Variants in PRKCQ observed in about 807,000 individuals in gnomAD.
PRKCQ encodes protein kinase C theta type.
Under a neutral mutation model 91.2 loss-of-function variants are expected in PRKCQ, and 41 were observed. The observed-to-expected ratio is 0.45, with a 90% CI of 0.35 to 0.58. The LOEUF is 0.58. PRKCQ is among the 20% of genes least tolerant of loss of function. The probability of loss-of-function intolerance (pLI) is 0.00; values close to 1 mark genes in which losing one functional copy is unlikely to be tolerated. For synonymous variants in PRKCQ, 307 were observed against 316.9 expected (o/e 0.97, Z 0.33); for missense variants, 673 against 896.5 (o/e 0.75, Z 3.18).
chr10:6,473,742 A>G (rs56204359), intron 12 of PRKCQ, among the ~76,000 whole-genome samples: 6,661 of 152,318 alleles, frequency 0.044, 203 homozygotes, highest in Non-Finnish European at 0.066. Flanking sequence ...AGAGCTTCAG[A>G]TGAAGCAGTT....
At chr10:6,404,028 T>A in the PRKCQ span, among the ~76,000 whole-genome samples, 1 of 151,840 alleles carries the variant, frequency 6.6e-6, no homozygotes, top group Admixed American at 6.6e-5. Flanking sequence ...TACGAAGGCC[T>A]AAAAAGGGGG....
chr10:6,531,218 C>G (rs1476189296), intron 1 of PRKCQ, among the ~76,000 whole-genome samples: 1 of 151,862 alleles, frequency 6.6e-6, no homozygotes, highest in African/African-American at 2.4e-5. Context: ...TATTGAAGTT[C>G]GCAAAGCTGC....
intron 1 of PRKCQ, among the ~76,000 whole-genome samples, chr10:6,558,238 A>G (rs1840496443): frequency 6.6e-6 from 1 of 152,212 alleles, no homozygotes; most frequent in African/African-American, 2.4e-5. Context: ...ATATATATTA[A>G]ACAAGGCATT....
intron 1 of PRKCQ, among the ~76,000 whole-genome samples, chr10:6,556,810 C>G (rs1317957889): frequency 6.6e-6 from 1 of 152,182 alleles, no homozygotes; most frequent in Non-Finnish European, 1.5e-5. Flanking sequence ...CTGTCCCACA[C>G]TTGTTCCCCT....
intron 12 of PRKCQ, among the ~76,000 whole-genome samples, chr10:6,471,611 G>C (rs1024430461): frequency 6.6e-6 from 1 of 152,122 alleles, no homozygotes; most frequent in South Asian, 2.1e-4. Flanking sequence ...TTAGCTGGGC[G>C]CAGTGGCGCA....
chr10:6,539,250 C>T (rs12263317), intron 1 of PRKCQ, among the ~76,000 whole-genome samples: 1 of 152,218 alleles, frequency 6.6e-6, no homozygotes, highest in African/African-American at 2.4e-5. Context: ...GCTGACTTTT[C>T]TAAATTCACC....
At chr10:6,496,560 A>T (rs1837615591) in intron 7 of PRKCQ, among the ~76,000 whole-genome samples, 1 of 152,212 alleles carries the variant, frequency 6.6e-6, no homozygotes, top group Non-Finnish European at 1.5e-5. Context: ...TAATTAATCT[A>T]AACTATGCTT....
In PRKCQ at chr10:6,427,149, T is replaced by TA. The variant is rs1833152241; in HGVS notation, c.*1057_*1058insT. The TA allele has an allele frequency of 6.8e-6, 1 of 147,464 alleles. No individual in the cohort carries two copies. The highest frequency in any genetic ancestry group is 2.5e-5 in the African/African-American group (1 of 40,246). The allele number at this position is 147,464 out of a possible 1,614,324, so 9.1% of individuals were successfully genotyped here. A position where few individuals can be genotyped will look rare whatever the true frequency, so the allele number is the denominator to read the frequency against. On this transcript the variant is annotated 3_prime_UTR_variant, in exon 18 of 18. Transcript: ENST00000263125. ...GGAAGTAAACGATTAAGAGGACTCTTTTTTTTTTTTTATTCCATTTTTACA... is the reference window on the plus strand; with the variant it reads ...GGAAGTAAACGATTAAGAGGACTCTTATTTTTTTTTTTATTCCATTTTTACA...
chr10:6,444,953 G>A (rs368322484), intron 15 of PRKCQ, among the ~76,000 whole-genome samples: 17 of 151,814 alleles, frequency 1.1e-4, no homozygotes, highest in East Asian at 9.7e-4. Context: ...GCGAAACCCC[G>A]TCTCTACTAA....
At chr10:6,524,662 A>C (rs1839133322) in intron 1 of PRKCQ, among the ~76,000 whole-genome samples, 2 of 152,234 alleles carry the variant, frequency 1.3e-5, no homozygotes, top group Admixed American at 1.3e-4. Context: ...CATACAAATA[A>C]AATAACTTCT....
chr10:6,542,739 C>T (rs1023198680), intron 1 of PRKCQ, among the ~76,000 whole-genome samples: 5 of 152,088 alleles, frequency 3.3e-5, no homozygotes, highest in East Asian at 1.9e-4. Context: ...TTAAATTTGA[C>T]GTTACGAGGT....
the PRKCQ span, among the ~76,000 whole-genome samples, chr10:6,401,648 C>G: frequency 6.6e-6 from 1 of 152,064 alleles, no homozygotes; most frequent in Admixed American, 6.5e-5. Context: ...GATTGCGGGG[C>G]CAGGGCACTC....
At position 6,498,539 on chromosome 10, in the gene PRKCQ, T is replaced by G. The variant is rs773196997; in HGVS notation, c.399A>C (p.Glu133Asp). The G allele has an allele frequency of 2.6e-5, 42 of 1,614,044 alleles. No individual in the cohort carries two copies. Among genetic ancestry groups the G allele is most frequent in the Non-Finnish European group, 3.1e-5 (37 of 1,179,994 alleles). The change falls in exon 5 of 18, where the codon GAA becomes GAC. Residue 133 changes from glutamate (E) to aspartate (D), a missense_variant. By Grantham distance (45) the Glu-to-Asp change is conservative. Transcript: ENST00000263125. ...AAGCAAAGAAGCCTTCCGTCTCAAA[T>G]TCATTCATGTCCTTTGTGTCTACAG... ...LEMSDTKDMN[E>D]FETEGFFALH...
chr10:6,558,854 C>T (rs762434859), intron 1 of PRKCQ, among the ~76,000 whole-genome samples: 15 of 152,178 alleles, frequency 9.9e-5, no homozygotes, highest in Middle Eastern at 3.4e-3. Flanking sequence ...GAGAAGGGGG[C>T]GACGAGAAAC....
In PRKCQ at chr10:6,507,422, G is replaced by A. The variant is rs370247485; in HGVS notation, c.379+14C>T. The A allele has an allele frequency of 3.7e-6, 6 of 1,611,566 alleles. No individual in the cohort carries two copies. The highest frequency in any genetic ancestry group is 5.1e-6 in the Non-Finnish European group (6 of 1,177,778). ...CCTCCTCACCCCCAAACAGGAAGAA[G>A]AAATGTCACTTGCCACTCATTTCCA... On this transcript the variant is annotated intron_variant, in intron 4 of 17. Transcript: ENST00000263125.
At chr10:6,467,413 G>C (rs1052585167) in intron 12 of PRKCQ, among the ~76,000 whole-genome samples, 97 of 132,314 alleles carry the variant, frequency 7.3e-4, no homozygotes, top group Non-Finnish European at 1.2e-3. Flanking sequence ...GAGAGAGAGA[G>C]AGAGAGAGAG....
chr10:6,482,570 C>T (rs768840718), intron 11 of PRKCQ, among the ~76,000 whole-genome samples: 2 of 152,192 alleles, frequency 1.3e-5, no homozygotes, highest in Middle Eastern at 3.2e-3. Context: ...AACTTCCATC[C>T]TCCAGACCTG....
chr10:6,519,602 CCG>C (rs1838915000), intron 1 of PRKCQ, among the ~76,000 whole-genome samples: 8 of 151,484 alleles, frequency 5.3e-5, no homozygotes, highest in Non-Finnish European at 1.2e-4. Flanking sequence ...GCATTCTTTC[CCG>C]ATAAGCAAAT....
downstream of PRKCQ, among the ~76,000 whole-genome samples, chr10:6,424,955 G>C (rs1275731677): frequency 1.3e-5 from 2 of 152,212 alleles, no homozygotes. Flanking sequence ...GGGGAACTGG[G>C]AGTGGTGATG....
Sources: allele counts gnomAD v4.1 joint callset (sites outside exome capture counted in the v4.1 genomes callset), GRCh38; gene constraint gnomAD v4.1.1; transcripts MANE v1.5; gene names NCBI Gene and HGNC (gene_info 2026-07-23, HGNC 2026-07-21).